PAK5: variants seen among roughly 807,000 people sequenced by gnomAD.
PAK5 encodes the protein serine/threonine-protein kinase PAK 5.
In PAK5, 16 loss-of-function variants were observed where a neutral mutation model predicts 65.9. That is an observed-to-expected ratio of 0.24 (90% CI 0.16 to 0.37). The LOEUF is 0.37. Among genes scored for constraint, PAK5 ranks in the 10% least tolerant of loss-of-function variants. The probability of loss-of-function intolerance (pLI) is 1.00; values close to 1 mark genes in which losing one functional copy is unlikely to be tolerated. For missense variants in PAK5, 785 were observed against 903.9 expected (o/e 0.87, Z 1.69); for synonymous variants, 371 against 354.9 (o/e 1.05, Z -0.51).
At chr20:9,810,718 T>G (rs978414538) in intron 1 of PAK5, among the ~76,000 whole-genome samples, 1 of 152,196 alleles carries the variant, frequency 6.6e-6, no homozygotes, top group Non-Finnish European at 1.5e-5. Flanking sequence ...CTCTCTGCTA[T>G]TACCCTAATG....
intron 7 of PAK5, among the ~76,000 whole-genome samples, chr20:9,548,249 T>C (rs1447615460): frequency 6.6e-6 from 1 of 152,140 alleles, no homozygotes; most frequent in Non-Finnish European, 1.5e-5. Flanking sequence ...TTATGGTCCA[T>C]TCCCAACTCT....
intron 1 of PAK5, among the ~76,000 whole-genome samples, chr20:9,772,720 GA>G (rs1251239656): frequency 1.3e-5 from 2 of 152,236 alleles, no homozygotes; most frequent in Non-Finnish European, 2.9e-5. Context: ...GCGAAATAAT[GA>G]AGTAGATGTT....
chr20:9,681,880 C>T (rs960000367), intron 2 of PAK5, among the ~76,000 whole-genome samples: 3 of 152,098 alleles, frequency 2.0e-5, no homozygotes, highest in African/African-American at 7.2e-5. Context: ...TTTTGTTAGT[C>T]TATAAACACC....
At chr20:9,815,460 T>C (rs2049345633) in intron 1 of PAK5, among the ~76,000 whole-genome samples, 1 of 152,138 alleles carries the variant, frequency 6.6e-6, no homozygotes, top group Admixed American at 6.6e-5. Flanking sequence ...GAAGCAGCTC[T>C]ACAAATCCAT....
chr20:9,586,401 AAACT>A (rs1209082348), intron 3 of PAK5, among the ~76,000 whole-genome samples: 1 of 152,166 alleles, frequency 6.6e-6, no homozygotes, highest in East Asian at 1.9e-4. Context: ...GGTAGACTTT[AAACT>A]AACACTTCAT....
intron 2 of PAK5, among the ~76,000 whole-genome samples, chr20:9,647,905 C>T (rs1056682926): frequency 6.6e-6 from 1 of 152,230 alleles, no homozygotes; most frequent in Non-Finnish European, 1.5e-5. Context: ...AGGAGGCCCA[C>T]ACTCAGCTGA....
At chr20:9,693,990 CTT>C (rs35794790) in intron 2 of PAK5, among the ~76,000 whole-genome samples, 1 of 146,530 alleles carries the variant, frequency 6.8e-6, no homozygotes, top group Non-Finnish European at 1.5e-5. Context: ...CATCAAGGTC[CTT>C]TTTTTTTTAA....
At chr20:9,644,405 T>C in intron 2 of PAK5, 66 bp from the exon 3 acceptor site, 1 of 1,018,372 alleles carries the variant, frequency 9.8e-7, no homozygotes, top group Non-Finnish European at 1.5e-6. Context: ...AGGAGAAAGC[T>C]ATTGTTAATT....
chr20:9,813,240 C>T (rs527352040), intron 1 of PAK5, among the ~76,000 whole-genome samples: 9 of 152,006 alleles, frequency 5.9e-5, no homozygotes, highest in Middle Eastern at 3.4e-3. Flanking sequence ...ATAGGAGCTA[C>T]GGGAAGAAGT....
chr20:9,710,024 A>C (rs550175969), intron 2 of PAK5, among the ~76,000 whole-genome samples: 1 of 152,312 alleles, frequency 6.6e-6, no homozygotes, highest in South Asian at 2.1e-4. Context: ...CCAATTTGAA[A>C]TTGGATTTTA....
At chr20:9,650,498 T>C (rs2047189427) in intron 2 of PAK5, among the ~76,000 whole-genome samples, 1 of 152,206 alleles carries the variant, frequency 6.6e-6, no homozygotes, top group Admixed American at 6.5e-5. Context: ...TTGCTAAACT[T>C]ATTTCTCTGG....
chr20:9,743,397 A>AC lies in PAK5; in HGVS notation c.-161-31963_-161-31962insG, dbSNP rs965721755. 8.7e-4 allele frequency among the ~76,000 whole-genome samples: 77 copies of AC among 88,932 alleles called. 1 individual carries two copies. The highest frequency in any genetic ancestry group is 2.3e-3 in the African/African-American group (62 of 26,726). The allele number at this position is 88,932 out of a possible 152,430, so 58.3% of individuals were successfully genotyped here. ...TCAAAACAAGCAAACAAGCCAAAAAAAAACAAACGAAACAAAACAAAACAA... is the reference window on the plus strand; with the variant it reads ...TCAAAACAAGCAAACAAGCCAAAAAACAAACAAACGAAACAAAACAAAACAA... On this transcript the variant is annotated intron_variant, in intron 1 of 9. Coordinates refer to ENST00000353224, the MANE Select transcript of PAK5 (RefSeq NM_177990.4).
rs142086015 is a variant in PAK5 at position 9,580,318 on chromosome 20, G to C, written c.817C>G (p.Leu273Val). 1 of 1,614,156 alleles carries C rather than the reference G, an allele frequency of 6.2e-7. No individual in the cohort carries two copies. The highest frequency in any genetic ancestry group is 1.1e-5 in the South Asian group (1 of 91,074). The stretch of plus-strand genomic sequence containing the variant: ...GTGGGCTGAGGGCTTGTCTGATTCA[G>C]GTACGAAGACTTTGGCCTCCTGTCA... Reference protein sequence around the residue: ...DYDRRPKSSYLNQTSPQPTMR... With the variant: ...DYDRRPKSSYVNQTSPQPTMR... Residue 273 changes from leucine (L) to valine (V), a missense_variant, in exon 4 of 10, where the codon CTG (leucine) becomes GTG (valine). Around this residue, in one of 4 missense-constraint regions of PAK5, gnomAD observed 422 missense variants for 413.3 expected, o/e 1.02. Transcript: ENST00000353224.
intron 2 of PAK5, among the ~76,000 whole-genome samples, chr20:9,679,265 CTG>C (rs1484509310): frequency 6.6e-6 from 1 of 152,162 alleles, no homozygotes; most frequent in Non-Finnish European, 1.5e-5. Flanking sequence ...GTCATTGACT[CTG>C]ATATCAGTAA....
chr20:9,702,632 T>C (rs2047954196), intron 2 of PAK5, among the ~76,000 whole-genome samples: 1 of 152,192 alleles, frequency 6.6e-6, no homozygotes, highest in South Asian at 2.1e-4. Flanking sequence ...TGATATTCCA[T>C]GGTTTATAAC....
At chr20:9,647,659 C>T (rs2047151224) in intron 2 of PAK5, among the ~76,000 whole-genome samples, 1 of 152,174 alleles carries the variant, frequency 6.6e-6, no homozygotes, top group South Asian at 2.1e-4. Flanking sequence ...CTGAATTAAT[C>T]TACCTACACT....
At chr20:9,640,059 A>AT (rs919302473) in intron 3 of PAK5, among the ~76,000 whole-genome samples, 26 of 151,664 alleles carry the variant, frequency 1.7e-4, no homozygotes, top group South Asian at 4.2e-4. Context: ...AATGTTTATT[A>AT]TTTTTTTTTA....
chr20:9,694,365 C>G (rs2123442763), intron 2 of PAK5, among the ~76,000 whole-genome samples: 1 of 150,612 alleles, frequency 6.6e-6, no homozygotes, highest in Admixed American at 6.6e-5. Flanking sequence ...AGGTGAGTTA[C>G]TTTTTCTGGG....
At chr20:9,711,587 G>T (rs571915927) in intron 1 of PAK5, among the ~76,000 whole-genome samples, 152 bp from the exon 2 acceptor site, 1 of 152,198 alleles carries the variant, frequency 6.6e-6, no homozygotes, top group East Asian at 1.9e-4. Flanking sequence ...TGCAGCTACG[G>T]ATCTGTATAT....
Sources: gnomAD v4.1 joint callset for allele counts (sites outside exome capture counted in the v4.1 genomes callset) on GRCh38, gnomAD v4.1.1 for gene constraint, gnomAD v4.1.1 regional missense constraint, MANE v1.5 for transcripts, NCBI Gene and HGNC (gene_info 2026-07-23, HGNC 2026-07-21) for gene names.